The following TSHZ2 variants were observed in gnomAD, a reference collection of about 807,000 sequenced individuals.
TSHZ2 encodes the protein teashirt zinc finger homeobox 2.
Under a neutral mutation model 74.4 loss-of-function variants are expected in TSHZ2, and 21 were observed. The ratio of observed to expected loss-of-function variants is 0.28; its 90% CI spans 0.20 to 0.41. The LOEUF is 0.41. TSHZ2 is among the 10% of genes least tolerant of loss of function. The pLI, the probability that TSHZ2 is intolerant of heterozygous loss-of-function variation, is 1.00. For missense variants in TSHZ2, 1,244 were observed against 1,293.5 expected (o/e 0.96, Z 0.59); for synonymous variants, 540 against 515.3 (o/e 1.05, Z -0.65).
At chr20:53,155,365 T>A (rs1373783597) in intron 1 of TSHZ2, among the ~76,000 whole-genome samples, 1 of 152,022 alleles carries the variant, frequency 6.6e-6, no homozygotes, top group Non-Finnish European at 1.5e-5. Context: ...AAGGAACCTT[T>A]GGTAGACGAA....
intron 2 of TSHZ2, among the ~76,000 whole-genome samples, chr20:53,323,410 G>GATGAATGAATGAATGAATGAATGAATGA (rs56672853): frequency 1.7e-4 from 25 of 150,646 alleles, no homozygotes; most frequent in African/African-American, 3.4e-4. Context: ...ATACTTGTTT[G>GATGAATGAATGAATGAATGAATGAATGA]ATGAATGAAT....
Position 53,408,726 on chromosome 20 carries a change from C to A in TSHZ2, c.*9-78418C>A, listed in dbSNP as rs145782898. Among the ~76,000 whole-genome samples the A allele has an allele frequency of 7.2e-3, 1,096 of 152,264 alleles. 14 individuals are homozygous for A. The highest frequency in any genetic ancestry group is 0.025 in the African/African-American group (1,041 of 41,532). On this transcript the variant is annotated intron_variant, in intron 2 of 2. Coordinates refer to ENST00000371497, the MANE Select transcript of TSHZ2 (RefSeq NM_173485.6). ...CTGTCATTACTGTTAATATTGAGATCGGACACTTTGATCCGAATGGAACCT... is the reference window on the plus strand; with the variant it reads ...CTGTCATTACTGTTAATATTGAGATAGGACACTTTGATCCGAATGGAACCT...
At chr20:53,263,803 G>T in intron 2 of TSHZ2, among the ~76,000 whole-genome samples, 1 of 152,100 alleles carries the variant, frequency 6.6e-6, no homozygotes, top group Non-Finnish European at 1.5e-5. Flanking sequence ...CCACTTTTCC[G>T]CATCTCAGAG....
At chr20:53,083,179 T>C (rs1220289077) in intron 1 of TSHZ2, among the ~76,000 whole-genome samples, 1 of 152,248 alleles carries the variant, frequency 6.6e-6, no homozygotes, top group Non-Finnish European at 1.5e-5. Context: ...ATTAGAATTC[T>C]TTATGTGTGT....
chr20:53,300,461 C>T (rs1217266199), intron 2 of TSHZ2, among the ~76,000 whole-genome samples: 2 of 152,172 alleles, frequency 1.3e-5, no homozygotes, highest in Admixed American at 6.5e-5. Context: ...TTCTGATGTT[C>T]CCCTGGAAGA....
intron 1 of TSHZ2, among the ~76,000 whole-genome samples, chr20:53,187,272 A>G (rs1988622727): frequency 6.6e-6 from 1 of 152,130 alleles, no homozygotes; most frequent in South Asian, 2.1e-4. Context: ...CCTTCTGTCG[A>G]TACGTTCAAG....
chr20:53,052,654 C>G (rs1012163433), intron 1 of TSHZ2, among the ~76,000 whole-genome samples: 4 of 152,160 alleles, frequency 2.6e-5, no homozygotes, highest in African/African-American at 9.7e-5. Flanking sequence ...GAGTATTATT[C>G]CTGTGTATGC....
At chr20:53,026,879 T>TTTA (rs1338841151) in intron 1 of TSHZ2, among the ~76,000 whole-genome samples, 14 of 152,160 alleles carry the variant, frequency 9.2e-5, no homozygotes, top group Non-Finnish European at 2.1e-4. Context: ...GGCTCATGCC[T>TTTA]GTAATCCCAG....
At chr20:53,024,102 A>ATTT (rs151336998) in intron 1 of TSHZ2, among the ~76,000 whole-genome samples, 49 of 148,932 alleles carry the variant, frequency 3.3e-4, no homozygotes, top group Admixed American at 2.2e-3. Context: ...CCACCCTCTT[A>ATTT]TTTTTTTTTT....
chr20:53,352,232 C>CTT lies in TSHZ2; in HGVS notation c.*8+95687_*8+95688dup, dbSNP rs142220716. On this transcript the variant is annotated intron_variant, in intron 2 of 2. Transcript: ENST00000371497. ...TCCGTTTTGGCCCCTCTCCTAAGCT[C>CTT]TTTTTTTTTTTTTTTTTTTTTTTTT... Among the ~76,000 whole-genome samples, 149 of 57,900 alleles carry CTT rather than the reference C, an allele frequency of 2.6e-3. 5 individuals carry two copies. The highest frequency in any genetic ancestry group is 3.7e-3 in the Non-Finnish European group (120 of 32,684). The allele number at this position is 57,900 out of a possible 152,430, so 38.0% of individuals were successfully genotyped here. A position where few individuals can be genotyped will look rare whatever the true frequency, so the allele number is the denominator to read the frequency against.
chr20:53,104,387 T>G (rs1490872873), intron 1 of TSHZ2, among the ~76,000 whole-genome samples: 2 of 152,146 alleles, frequency 1.3e-5, no homozygotes, highest in African/African-American at 2.4e-5. Context: ...TTAAGAGCAC[T>G]AGGAGCAATC....
At chr20:53,210,558 C>T (rs959932847) in intron 1 of TSHZ2, among the ~76,000 whole-genome samples, 1 of 151,856 alleles carries the variant, frequency 6.6e-6, no homozygotes, top group Admixed American at 6.6e-5. Context: ...GCCATTCCAT[C>T]GTCCATCTGC....
intron 1 of TSHZ2, among the ~76,000 whole-genome samples, chr20:53,015,585 A>C (rs892470382): frequency 6.6e-6 from 1 of 152,214 alleles, no homozygotes. Flanking sequence ...ATGGTCTCAA[A>C]TAGCACCTGG....
At chr20:53,293,728 C>T (rs1050482251) in intron 2 of TSHZ2, among the ~76,000 whole-genome samples, 1 of 141,172 alleles carries the variant, frequency 7.1e-6, no homozygotes, top group African/African-American at 2.6e-5. Flanking sequence ...AGAAAAGAAA[C>T]AGGTCCTGGC....
chr20:53,074,979 C>T lies in TSHZ2; in HGVS notation c.40+101646C>T, dbSNP rs896943283. ...ACAGATGTTTTATGTCCTCTTTTGT[C>T]GCTGACGTTTCCTCCATGTGGAAAG... On this transcript the variant is annotated intron_variant, in intron 1 of 2. Coordinates refer to ENST00000371497, the MANE Select transcript of TSHZ2 (RefSeq NM_173485.6). This position sits in a 1 kb window ranked among gnomAD's most constrained non-coding sequence, Gnocchi z 5.9. Among the ~76,000 whole-genome samples, 2 of 152,186 alleles carry T rather than the reference C, an allele frequency of 1.3e-5. No homozygotes were observed. The highest frequency in any genetic ancestry group is 1.9e-4 in the East Asian group (1 of 5,194).
intron 1 of TSHZ2, among the ~76,000 whole-genome samples, chr20:53,184,080 T>C (rs1361553742): frequency 6.6e-6 from 1 of 152,202 alleles, no homozygotes; most frequent in African/African-American, 2.4e-5. Context: ...CATCTCAACT[T>C]GTATTTTGCC....
At chr20:53,405,741 A>G (rs1365473996) in intron 2 of TSHZ2, among the ~76,000 whole-genome samples, 1 of 152,212 alleles carries the variant, frequency 6.6e-6, no homozygotes, top group Non-Finnish European at 1.5e-5. Context: ...TATGCCAGTA[A>G]TGCCAGCATT....
intron 1 of TSHZ2, among the ~76,000 whole-genome samples, chr20:53,109,703 C>T (rs746935980): frequency 6.6e-6 from 1 of 152,156 alleles, no homozygotes; most frequent in Admixed American, 6.5e-5. Context: ...GATGTAGTTG[C>T]GGCTGCTGTT....
chr20:53,414,463 A>T (rs1422617344), intron 2 of TSHZ2, among the ~76,000 whole-genome samples: 2 of 152,100 alleles, frequency 1.3e-5, no homozygotes, highest in Non-Finnish European at 2.9e-5. Context: ...CTACCAAAAA[A>T]TAAAAGGATT....
Sources: gnomAD v4.1 joint callset for allele counts (sites outside exome capture counted in the v4.1 genomes callset) on GRCh38, gnomAD v4.1.1 for gene constraint, Gnocchi (gnomAD v3.1) non-coding constraint, MANE v1.5 for transcripts, NCBI Gene and HGNC (gene_info 2026-07-23, HGNC 2026-07-21) for gene names.